The following PCDHA4 variants were observed in gnomAD, a reference collection of about 807,000 sequenced individuals.
PCDHA4 encodes protocadherin alpha-4.
A neutral mutation model predicts 61.4 loss-of-function variants in PCDHA4; 49 were observed. The observed-to-expected ratio is 0.80, with a 90% CI of 0.63 to 1.01. The LOEUF (loss-of-function observed/expected upper bound fraction) is 1.01, where lower values mean the gene tolerates loss of function less well. Ranked by LOEUF, PCDHA4 falls within the 50% of genes least tolerant of loss-of-function variation. The pLI, the probability that PCDHA4 is intolerant of heterozygous loss-of-function variation, is 0.00. For missense variants in PCDHA4, 1,254 were observed against 1,235.8 expected (o/e 1.01, Z -0.22); for synonymous variants, 590 against 550.3 (o/e 1.07, Z -1.01).
Position 140,808,865 on chromosome 5 carries a change from G to A in PCDHA4, c.1678G>A (p.Asp560Asn), listed in dbSNP as rs567779090. The change falls in exon 1 of 4, where the codon GAC becomes AAC. Residue 560 changes from aspartate (D) to asparagine (N), a missense_variant. Asp to Asn is a conservative substitution (Grantham distance 23). Transcript: ENST00000530339. ...GCAGGTGTTCGTGCTGGACGAAAAC[G>A]ACAACGCGCCAGCACTGCTAGCGCC... The part of the protein sequence containing the change: ...TLQVFVLDEN[D>N]NAPALLAPRA... 59 of 1,613,122 alleles carry A rather than the reference G, an allele frequency of 3.7e-5. No individual in the cohort carries two copies. The highest frequency in any genetic ancestry group is 2.7e-4 in the Admixed American group (16 of 60,026).
At chr5:140,868,550 T>A (rs2050522684) in intron 1 of PCDHA4, 1 of 152,704 alleles carries the variant, frequency 6.5e-6, no homozygotes, top group South Asian at 2.1e-4. Flanking sequence ...AATTTGATAG[T>A]ATTTTTATAT....
At chr5:140,848,690 G>A in intron 1 of PCDHA4, 8 of 1,592,462 alleles carry the variant, frequency 5.0e-6, no homozygotes, top group Non-Finnish European at 6.9e-6. Flanking sequence ...GCCTGTTCCA[G>A]TTGGATTCCA....
intron 1 of PCDHA4, chr5:140,813,165 A>G (rs1448346910): frequency 1.3e-5 from 2 of 152,148 alleles, no homozygotes; most frequent in Non-Finnish European, 2.9e-5. Flanking sequence ...TTTCAGCTAT[A>G]GTGTTGTTCA....
At chr5:140,843,144 C>G (rs1554139783) in intron 1 of PCDHA4, 3 of 1,596,036 alleles carry the variant, frequency 1.9e-6, no homozygotes, top group Non-Finnish European at 2.6e-6. Flanking sequence ...GCGTGGCTTT[C>G]GTATGAGCTG....
At chr5:140,968,020 C>G (rs1554230190) in intron 1 of PCDHA4, 1 of 1,614,202 alleles carries the variant, frequency 6.2e-7, no homozygotes, top group Non-Finnish European at 8.5e-7. Context: ...TTGGAAACTC[C>G]TATACACTGG....
At chr5:140,936,833 A>G (rs186890408) in intron 1 of PCDHA4, among the ~76,000 whole-genome samples, 1 of 152,276 alleles carries the variant, frequency 6.6e-6, no homozygotes, top group East Asian at 1.9e-4. Context: ...GCATTTCTAT[A>G]TAAATTGTAG....
At chr5:140,993,472 A>T (rs1164535164) in intron 3 of PCDHA4, among the ~76,000 whole-genome samples, 1 of 134,248 alleles carries the variant, frequency 7.4e-6, no homozygotes, top group Non-Finnish European at 1.5e-5. Flanking sequence ...TCACACACAC[A>T]CACACACACA....
At chr5:140,989,598 T>C (rs369591964) in intron 3 of PCDHA4, among the ~76,000 whole-genome samples, 431 of 152,260 alleles carry the variant, frequency 2.8e-3, no homozygotes, top group Middle Eastern at 6.8e-3. Flanking sequence ...CTGACACAAG[T>C]AAACTAAAAA....
intron 1 of PCDHA4, among the ~76,000 whole-genome samples, chr5:140,885,900 C>G (rs1387318205): frequency 6.6e-6 from 1 of 152,120 alleles, no homozygotes; most frequent in Non-Finnish European, 1.5e-5. Flanking sequence ...GAAAAGTTCT[C>G]TGTACCTTAT....
intron 1 of PCDHA4, among the ~76,000 whole-genome samples, chr5:140,840,557 C>A (rs1199062901): frequency 2.6e-5 from 4 of 151,962 alleles, no homozygotes; most frequent in Non-Finnish European, 5.9e-5. Context: ...GGCAATACTG[C>A]TAGAGTTTGG....
intron 1 of PCDHA4, among the ~76,000 whole-genome samples, chr5:140,971,388 C>A (rs1554233283): frequency 6.6e-6 from 1 of 152,132 alleles, no homozygotes; most frequent in Non-Finnish European, 1.5e-5. Flanking sequence ...TTAATAAAGG[C>A]AAATTTCTGC....
chr5:140,860,713 A>G (rs2046537417), intron 1 of PCDHA4: 1 of 152,204 alleles, frequency 6.6e-6, no homozygotes, highest in Non-Finnish European at 1.5e-5. Context: ...GTTCTCCATG[A>G]AAAGTTTTTT....
chr5:140,849,485 G>A, intron 1 of PCDHA4: 1 of 1,590,948 alleles, frequency 6.3e-7, no homozygotes, highest in African/African-American at 1.4e-5. Flanking sequence ...TCCCACCCCT[G>A]GCTGGTCATT....
At position 140,951,508 on chromosome 5, in the gene PCDHA4, G is replaced by A. The variant is rs536073969; in HGVS notation, c.2386-27441G>A. Among the ~76,000 whole-genome samples the A allele has an allele frequency of 3.9e-5, 6 of 152,080 alleles. No individual in the cohort carries two copies. The South Asian group carries it at 6.2e-4, about 16-fold the overall frequency. On this transcript the variant is annotated intron_variant, in intron 1 of 3. Coordinates refer to ENST00000530339, the MANE Select transcript of PCDHA4 (RefSeq NM_018907.4). ...TCATGGTGGAAGGCAAAAGGAAAGC[G>A]GCTCATCTTACATGGCCGGTGCAGG...
intron 1 of PCDHA4, among the ~76,000 whole-genome samples, chr5:140,837,515 A>AT (rs1775086466): frequency 2.1e-5 from 2 of 96,498 alleles, no homozygotes; most frequent in Admixed American, 9.8e-5. Flanking sequence ...GAAGCAGTTT[A>AT]CTTTTTTTGT....
chr5:140,885,041 T>C (rs2060440056), intron 1 of PCDHA4, among the ~76,000 whole-genome samples: 1 of 152,250 alleles, frequency 6.6e-6, no homozygotes, highest in Non-Finnish European at 1.5e-5. Flanking sequence ...ATTTTTAGTT[T>C]AATGTATACA....
At chr5:140,930,814 T>A (rs1554208117) in intron 1 of PCDHA4, among the ~76,000 whole-genome samples, 1 of 152,210 alleles carries the variant, frequency 6.6e-6, no homozygotes, top group Non-Finnish European at 1.5e-5. Flanking sequence ...AAGATATGCT[T>A]AGTAAATGCT....
intron 1 of PCDHA4, chr5:140,854,273 T>C (rs1180521058): frequency 1.8e-6 from 1 of 562,180 alleles, no homozygotes; most frequent in Non-Finnish European, 2.3e-6. Flanking sequence ...TTAGTAGAAA[T>C]TGAGTTTAGT....
At chr5:140,906,521 C>T (rs529787398) in intron 1 of PCDHA4, among the ~76,000 whole-genome samples, 4 of 152,330 alleles carry the variant, frequency 2.6e-5, no homozygotes, top group African/African-American at 9.6e-5. Flanking sequence ...AGGAAATACT[C>T]ACGACAATTA....
Sources: allele counts gnomAD v4.1 joint callset (sites outside exome capture counted in the v4.1 genomes callset), GRCh38; gene constraint gnomAD v4.1.1; transcripts MANE v1.5; gene names NCBI Gene and HGNC (gene_info 2026-07-23, HGNC 2026-07-21).